The following NPAS3 variants were observed in gnomAD, a reference collection of about 807,000 sequenced individuals.
The protein encoded by NPAS3 is neuronal PAS domain protein 3.
In NPAS3, 14 loss-of-function variants were observed where a neutral mutation model predicts 73.1. That is an observed-to-expected ratio of 0.19 (90% CI 0.13 to 0.30). The LOEUF (loss-of-function observed/expected upper bound fraction) is 0.30, where lower values mean the gene tolerates loss of function less well. Ranked by LOEUF, NPAS3 falls within the 10% of genes least tolerant of loss-of-function variation. The pLI is 1.00. For synonymous variants in NPAS3, 620 were observed against 541.5 expected (o/e 1.14, Z -2.01); for missense variants, 1,096 against 1,250.0 (o/e 0.88, Z 1.86).
chr14:33,097,595 G>A (rs1332666551), intron 2 of NPAS3, among the ~76,000 whole-genome samples: 1 of 152,168 alleles, frequency 6.6e-6, no homozygotes, highest in East Asian at 1.9e-4. Context: ...ATCTTTTGTA[G>A]ATAATGCCAA....
chr14:33,716,534 C>T (rs545695056), intron 6 of NPAS3, among the ~76,000 whole-genome samples: 6 of 152,228 alleles, frequency 3.9e-5, no homozygotes, highest in East Asian at 1.9e-4. Context: ...GCATTAAGTA[C>T]ATTCACATTG....
At chr14:33,354,759 CT>C (rs1349702150) in intron 3 of NPAS3, among the ~76,000 whole-genome samples, 1 of 152,222 alleles carries the variant, frequency 6.6e-6, no homozygotes, top group Non-Finnish European at 1.5e-5. Context: ...ATACTGCGCT[CT>C]GGCTTTTCCC....
intron 4 of NPAS3, among the ~76,000 whole-genome samples, chr14:33,428,864 T>C (rs113068144): frequency 2.2e-4 from 33 of 152,248 alleles, no homozygotes; most frequent in African/African-American, 7.7e-4. Context: ...ATCATTCAGC[T>C]CTTACCTAGG....
At chr14:33,785,036 C>A (rs1360829856) in intron 9 of NPAS3, among the ~76,000 whole-genome samples, 1 of 151,832 alleles carries the variant, frequency 6.6e-6, no homozygotes, top group Non-Finnish European at 1.5e-5. Context: ...AGGCATGAGC[C>A]ACTGCGCCCA....
At chr14:33,013,980 T>G (rs949201224) in intron 1 of NPAS3, among the ~76,000 whole-genome samples, 4 of 152,144 alleles carry the variant, frequency 2.6e-5, no homozygotes, top group South Asian at 2.1e-4. Context: ...AAAAAAGAAA[T>G]AAAACTATTT....
chr14:33,440,393 C>T (rs1234205482), intron 4 of NPAS3, among the ~76,000 whole-genome samples: 12 of 152,110 alleles, frequency 7.9e-5, no homozygotes, highest in African/African-American at 2.7e-4. Context: ...GCAACCCTGT[C>T]CCCCGACCAA....
chr14:33,071,710 T>C (rs1002195693), intron 2 of NPAS3, among the ~76,000 whole-genome samples: 2 of 152,194 alleles, frequency 1.3e-5, no homozygotes, highest in African/African-American at 4.8e-5. Context: ...CTTAATTTTA[T>C]GTATCACTTA....
intron 1 of NPAS3, among the ~76,000 whole-genome samples, chr14:32,984,664 G>A (rs1039861823): frequency 6.6e-6 from 1 of 152,096 alleles, no homozygotes; most frequent in Admixed American, 6.6e-5. Context: ...GAATACTATT[G>A]TGTTTGTATG....
chr14:33,034,073 T>A (rs1248047671), intron 1 of NPAS3, among the ~76,000 whole-genome samples: 3 of 152,172 alleles, frequency 2.0e-5, no homozygotes, highest in African/African-American at 4.8e-5. Flanking sequence ...ATTTTTATGT[T>A]TACTTAATGG....
At chr14:33,772,049 CA>C (rs1388991019) in intron 7 of NPAS3, among the ~76,000 whole-genome samples, 2 of 152,088 alleles carry the variant, frequency 1.3e-5, no homozygotes, top group Non-Finnish European at 2.9e-5. Flanking sequence ...AATTTTCTTC[CA>C]AATGTGAAAT....
At chr14:33,517,111 A>G (rs1014867130) in intron 4 of NPAS3, among the ~76,000 whole-genome samples, 2 of 152,096 alleles carry the variant, frequency 1.3e-5, no homozygotes, top group African/African-American at 4.8e-5. Flanking sequence ...TTGGCATCCT[A>G]TATTCACTGA....
At chr14:33,315,219 A>G (rs1182941661) in intron 3 of NPAS3, among the ~76,000 whole-genome samples, 1 of 152,112 alleles carries the variant, frequency 6.6e-6, no homozygotes, top group Non-Finnish European at 1.5e-5. Context: ...ACAAATGTTT[A>G]TCTGGAATTT....
intron 5 of NPAS3, among the ~76,000 whole-genome samples, chr14:33,631,232 A>T (rs2058369114): frequency 6.6e-6 from 1 of 152,234 alleles, no homozygotes; most frequent in South Asian, 2.1e-4. Context: ...CCTTGGTGTG[A>T]TAGTATCTCA....
At chr14:33,012,526 T>C (rs887118431) in intron 1 of NPAS3, among the ~76,000 whole-genome samples, 1 of 152,068 alleles carries the variant, frequency 6.6e-6, no homozygotes, top group African/African-American at 2.4e-5. Flanking sequence ...GAAAAGTATA[T>C]AATGTTTTCA....
chr14:33,483,224 G>T (rs913965725), intron 4 of NPAS3, among the ~76,000 whole-genome samples: 1 of 152,124 alleles, frequency 6.6e-6, no homozygotes, highest in African/African-American at 2.4e-5. Context: ...ACAGAAAAAT[G>T]ACTCCCATCT....
At chr14:33,416,175 T>A (rs1017301983) in intron 4 of NPAS3, among the ~76,000 whole-genome samples, 2 of 152,098 alleles carry the variant, frequency 1.3e-5, no homozygotes, top group African/African-American at 4.8e-5. Flanking sequence ...GAAGATGGCT[T>A]AGGCTTTAGC....
At chr14:33,777,697 G>A (rs568802496) in intron 8 of NPAS3, among the ~76,000 whole-genome samples, 2 of 152,280 alleles carry the variant, frequency 1.3e-5, no homozygotes, top group African/African-American at 2.4e-5. Flanking sequence ...TAAACCAGGC[G>A]GATTCCCCCA....
At chr14:33,641,254 G>A (rs1257114575) in intron 5 of NPAS3, among the ~76,000 whole-genome samples, 2 of 152,114 alleles carry the variant, frequency 1.3e-5, no homozygotes, top group African/African-American at 4.8e-5. Context: ...AGCCCTCTCT[G>A]TAGTAGTCAA....
chr14:32,975,750 T>TAAC (rs1566422629), intron 1 of NPAS3, among the ~76,000 whole-genome samples: 1 of 151,930 alleles, frequency 6.6e-6, no homozygotes, highest in Non-Finnish European at 1.5e-5. Flanking sequence ...TGGTAGTTAA[T>TAAC]AAAACAAAAC....
Sources: allele counts gnomAD v4.1 joint callset (sites outside exome capture counted in the v4.1 genomes callset), GRCh38; gene constraint gnomAD v4.1.1; transcripts MANE v1.5; gene names NCBI Gene and HGNC (gene_info 2026-07-23, HGNC 2026-07-21).